KIFBP: variants seen among roughly 807,000 people sequenced by gnomAD.
The protein encoded by KIFBP is kinesin family binding protein, also known as KIF-binding protein.
Under a neutral mutation model 58.9 loss-of-function variants are expected in KIFBP, and 46 were observed. The ratio of observed to expected loss-of-function variants is 0.78; its 90% CI spans 0.62 to 1.00. The LOEUF (loss-of-function observed/expected upper bound fraction) is 1.00. Ranked by LOEUF, KIFBP falls within the 50% of genes least tolerant of loss-of-function variation. The pLI is 0.00. For synonymous variants in KIFBP, 241 were observed against 283.4 expected (o/e 0.85, Z 1.50); for missense variants, 651 against 752.9 (o/e 0.86, Z 1.58).
At chr10:69,004,152 G>A (rs567428316) in intron 2 of KIFBP, among the ~76,000 whole-genome samples, 1 of 150,380 alleles carries the variant, frequency 6.6e-6, no homozygotes, top group South Asian at 2.1e-4. Context: ...CCCGGGAGGC[G>A]GAGGTTGCAG....
intron 5 of KIFBP, among the ~76,000 whole-genome samples, chr10:69,009,828 C>G (rs1843572976): frequency 6.6e-6 from 1 of 152,036 alleles, no homozygotes; most frequent in Non-Finnish European, 1.5e-5. Flanking sequence ...GATTCTATTG[C>G]TCACTGTTGA....
At chr10:69,015,372 G>T (rs1247043436) in intron 6 of KIFBP, 169 bp from the exon 7 acceptor site, 4 of 575,696 alleles carry the variant, frequency 6.9e-6, no homozygotes, top group Non-Finnish European at 1.2e-5. Context: ...TAATATAATC[G>T]GAAGAAAGAA....
intron 4 of KIFBP, among the ~76,000 whole-genome samples, chr10:69,008,086 C>A (rs1173658751): frequency 6.6e-6 from 1 of 151,770 alleles, no homozygotes; most frequent in Non-Finnish European, 1.5e-5. Context: ...TCCTATTTGC[C>A]TTTGTATAGT....
chr10:69,001,978 T>G (rs2132111532), intron 2 of KIFBP, among the ~76,000 whole-genome samples: 1 of 152,158 alleles, frequency 6.6e-6, no homozygotes, highest in Non-Finnish European at 1.5e-5. Context: ...GAGACCAGCC[T>G]GCGCAACACA....
intron 2 of KIFBP, among the ~76,000 whole-genome samples, chr10:69,004,172 A>G (rs954570700): frequency 6.7e-6 from 1 of 148,498 alleles, no homozygotes; most frequent in Non-Finnish European, 1.5e-5. Flanking sequence ...GTGAGCCGAG[A>G]TCGCACCACT....
chr10:68,989,122 T>A lies in KIFBP; in HGVS notation c.290T>A (p.Ile97Asn). The A allele has an allele frequency of 6.2e-7, 1 of 1,611,044 alleles. No individual in the cohort carries two copies. Among genetic ancestry groups the A allele is most frequent in the East Asian group, 2.2e-5 (1 of 44,804 alleles). ...CAGCGAGCGGTGAGGCTGGCAGTCA[T>A]CGAGTTCCACCTCGGGGTGAACCAC... ...VAQRAVRLAV[I>N]EFHLGVNHID... The change falls in exon 1 of 7, where the codon ATC becomes AAC. Residue 97 changes from isoleucine (I) to asparagine (N), a missense_variant. Transcript: ENST00000361983.
intron 4 of KIFBP, among the ~76,000 whole-genome samples, chr10:69,008,391 A>AAAAAAAAAAAAAAAAATATATAT: frequency 1.4e-5 from 1 of 71,590 alleles, no homozygotes; most frequent in African/African-American, 7.8e-5. Context: ...AAAAAAAAAA[A>AAAAAAAAAAAAAAAAATATATAT]ATATATATAT....
At chr10:69,010,378 G>A (rs1431329943) in intron 5 of KIFBP, among the ~76,000 whole-genome samples, 1 of 152,174 alleles carries the variant, frequency 6.6e-6, no homozygotes, top group African/African-American at 2.4e-5. Flanking sequence ...TAAAAAAAAT[G>A]TGTGTATGTG....
chr10:69,014,451 C>CTG (rs1838959619), intron 6 of KIFBP, among the ~76,000 whole-genome samples: 2 of 152,086 alleles, frequency 1.3e-5, no homozygotes, highest in South Asian at 4.1e-4. Context: ...GGAGCAAAGG[C>CTG]TGTGAGGTTG....
intron 1 of KIFBP, among the ~76,000 whole-genome samples, chr10:68,992,068 A>AT (rs1843354625): frequency 6.6e-6 from 1 of 151,714 alleles, no homozygotes; most frequent in Non-Finnish European, 1.5e-5. Context: ...TTCACAGCTC[A>AT]TTGCAACTTC....
chr10:68,996,477 C>T (rs914201424), intron 1 of KIFBP, among the ~76,000 whole-genome samples: 1 of 152,146 alleles, frequency 6.6e-6, no homozygotes, highest in Non-Finnish European at 1.5e-5. Flanking sequence ...AGGAGAATAG[C>T]TTGAACCTGG....
At chr10:69,012,279 G>A (rs533530090) in intron 6 of KIFBP, among the ~76,000 whole-genome samples, 37 of 152,248 alleles carry the variant, frequency 2.4e-4, no homozygotes, top group African/African-American at 7.7e-4. Context: ...TGTTATGGGA[G>A]TTAAGTCAGT....
intron 1 of KIFBP, among the ~76,000 whole-genome samples, chr10:68,994,605 C>T (rs1003938725): frequency 2.0e-5 from 3 of 152,084 alleles, no homozygotes; most frequent in Non-Finnish European, 4.4e-5. Context: ...AGTAAAATTT[C>T]CTAGGAAATT....
At chr10:68,998,771 ATTT>A (rs869186033) in intron 1 of KIFBP, among the ~76,000 whole-genome samples, 1 of 99,862 alleles carries the variant, frequency 1.0e-5, no homozygotes, top group African/African-American at 3.7e-5. Context: ...ATATATATAT[ATTT>A]TTTTTTTTTT....
chr10:69,014,042 C>T (rs533552501), intron 6 of KIFBP, among the ~76,000 whole-genome samples: 11 of 152,126 alleles, frequency 7.2e-5, no homozygotes, highest in South Asian at 2.1e-4. Flanking sequence ...TGAGCCACTG[C>T]GCTCACCCCT....
intron 1 of KIFBP, among the ~76,000 whole-genome samples, chr10:68,997,570 A>G (rs1283768135): frequency 6.6e-6 from 1 of 151,928 alleles, no homozygotes. Context: ...CTGTGACCCA[A>G]TTAAACCTCT....
Position 69,016,161 on chromosome 10 carries a change from A to C in KIFBP, c.1611A>C (p.Glu537Asp). 1 of 1,614,204 alleles carries C rather than the reference A, an allele frequency of 6.2e-7. No individual in the cohort carries two copies. Among genetic ancestry groups the C allele is most frequent in the Non-Finnish European group, 8.5e-7 (1 of 1,180,040 alleles). ...AAGTATTCCCTGAGCATATAGGGGAAGATGTTCTTCGCCCTGCCATGTTAG... is the reference window on the plus strand; with the variant it reads ...AAGTATTCCCTGAGCATATAGGGGACGATGTTCTTCGCCCTGCCATGTTAG... Reference protein sequence around the residue: ...PNKVFPEHIGEDVLRPAMLAK... With the variant: ...PNKVFPEHIGDDVLRPAMLAK... The change falls in exon 7 of 7, where the codon GAA (glutamate) becomes GAC (aspartate). Residue 537 changes from glutamate (E) to aspartate (D), a missense_variant. Physicochemically the swap from Glu to Asp is conservative, Grantham distance 45. Transcript: ENST00000361983.
At chr10:69,008,391 A>AAAAAAATATATAT in intron 4 of KIFBP, among the ~76,000 whole-genome samples, 2 of 71,592 alleles carry the variant, frequency 2.8e-5, no homozygotes, top group African/African-American at 7.8e-5. Flanking sequence ...AAAAAAAAAA[A>AAAAAAATATATAT]ATATATATAT....
chr10:69,006,083 G>A, intron 4 of KIFBP, 168 bp downstream of exon 4: 5 of 612,728 alleles, frequency 8.2e-6, no homozygotes, highest in Non-Finnish European at 1.4e-5. Flanking sequence ...AAATTTTGTA[G>A]CTTTTTGTTG....
Sources: allele counts gnomAD v4.1 joint callset (sites outside exome capture counted in the v4.1 genomes callset), GRCh38; gene constraint gnomAD v4.1.1; transcripts MANE v1.5; gene names NCBI Gene and HGNC (gene_info 2026-07-23, HGNC 2026-07-21).